PCNT: variants seen among roughly 807,000 people sequenced by gnomAD.
PCNT encodes pericentrin.
A neutral mutation model predicts 380.4 loss-of-function variants in PCNT; 319 were observed. That is an observed-to-expected ratio of 0.84 (90% CI 0.77 to 0.92). The LOEUF is 0.92. PCNT is among the 40% of genes least tolerant of loss of function. PCNT has a pLI of 0.00. For synonymous variants in PCNT, 1,845 were observed against 1,735.2 expected, an observed-to-expected ratio of 1.06 and a Z score of -1.57; for missense variants, 4,400 against 4,255.3, an observed-to-expected ratio of 1.03 and a Z score of -0.95.
intron 10 of PCNT, among the ~76,000 whole-genome samples, chr21:46,353,664 C>T (rs1230992534): frequency 2.0e-5 from 3 of 151,138 alleles, no homozygotes; most frequent in Non-Finnish European, 4.4e-5. Context: ...GTGGCAGGGG[C>T]GCTCTCCTCC....
chr21:46,416,794 C>T lies in PCNT; in HGVS notation c.6876C>T (p.Ala2292=), dbSNP rs761995771. The T allele has an allele frequency of 1.6e-4, 253 of 1,600,532 alleles. No individual in the cohort carries two copies. The highest frequency in any genetic ancestry group is 2.0e-4 in the Non-Finnish European group (240 of 1,179,174). The change falls in exon 30 of 47, where the codon GCC becomes GCT. Residue 2292 remains alanine (A), a synonymous_variant. Transcript: ENST00000359568. The stretch of plus-strand genomic sequence containing the variant: ...CAGCAGCGCTGGCACTGCAGTGGGC[C>T]GAGTCTCCGCCGGCTGACGACCACC... ...VSAAALALQW[A]ESPPADDHHV...
At chr21:46,324,526 G>T (rs1185801550) in intron 1 of PCNT, among the ~76,000 whole-genome samples, 1 of 149,972 alleles carries the variant, frequency 6.7e-6, no homozygotes, top group African/African-American at 2.4e-5. Context: ...GACGCGCGGC[G>T]CCTCTCGGGC....
In PCNT at chr21:46,334,468, T is replaced by A. The variant is rs59662841; in HGVS notation, c.339T>A (p.Pro113=). ...QLQQKQVNDH[P]PEQCGMFTVS... The stretch of plus-strand genomic sequence containing the variant: ...AGCAGAAGCAAGTCAATGACCATCC[T>A]CCAGAGCAGTGTGGGATGTTCACAG... The change falls in exon 3 of 47, where the codon CCT becomes CCA. Residue 113 remains proline (P), a synonymous_variant. Coordinates refer to ENST00000359568, the MANE Select transcript of PCNT (RefSeq NM_006031.6). The A allele has an allele frequency of 9.3e-6, 15 of 1,614,028 alleles. No homozygotes were observed. The highest frequency in any genetic ancestry group is 1.6e-4 in the Middle Eastern group (1 of 6,082).
chr21:46,355,592 G>C lies in PCNT; in HGVS notation c.1902G>C (p.Glu634Asp), dbSNP rs2084443705. 1 of 1,614,100 alleles carries C rather than the reference G, an allele frequency of 6.2e-7. No homozygotes were observed. The highest frequency in any genetic ancestry group is 2.2e-5 in the East Asian group (1 of 44,868). ...TAGAGACTTCAGCATTGGGACACGA[G>C]TGGCGTCTGGAACCCTCTGAAGGGC... ...CCVETSALGH[E>D]WRLEPSEGHS... Residue 634 changes from glutamate (E) to aspartate (D), a missense_variant, in exon 12 of 47, where the codon GAG (glutamate) becomes GAC (aspartate). Physicochemically the swap from Glu to Asp is conservative, Grantham distance 45. Coordinates refer to ENST00000359568, the MANE Select transcript of PCNT (RefSeq NM_006031.6).
At chr21:46,407,416 C>T (rs1569263958) in intron 27 of PCNT, among the ~76,000 whole-genome samples, 1 of 141,542 alleles carries the variant, frequency 7.1e-6, no homozygotes, top group Non-Finnish European at 1.5e-5. Context: ...ATCTCGGCTC[C>T]CTGCAACCTC....
At position 46,443,851 on chromosome 21, in the gene PCNT, G is replaced by A. The variant is rs762702766; in HGVS notation, c.9742G>A (p.Glu3248Lys). The change falls in exon 45 of 47, where the codon GAG becomes AAG. Residue 3248 changes from glutamate to lysine, a missense_variant. Transcript: ENST00000359568. ...GCCGCAGTCTCCACCCAGAACCAGA[G>A]AGTCCCCCCCAACCCGGGATGTACC... ...RQPQSPPRTR[E>K]SPPTRDVPSG... The A allele has an allele frequency of 6.2e-7, 1 of 1,613,484 alleles. No individual in the cohort carries two copies. Among genetic ancestry groups the A allele is most frequent in the East Asian group, 2.2e-5 (1 of 44,870 alleles).
intron 21 of PCNT, among the ~76,000 whole-genome samples, chr21:46,396,978 G>A (rs993180164): frequency 5.9e-5 from 9 of 152,172 alleles, no homozygotes; most frequent in East Asian, 3.9e-4. Flanking sequence ...TCTCAGCACC[G>A]TCCGTCGTCT....
intron 28 of PCNT, among the ~76,000 whole-genome samples, chr21:46,412,486 G>A (rs949954406): frequency 6.6e-6 from 1 of 152,170 alleles, no homozygotes; most frequent in Admixed American, 6.5e-5. Context: ...TGGAGGCCCT[G>A]TAGGGAGTCG....
chr21:46,437,095 GC>G lies in PCNT; in HGVS notation c.9099+19del. ...ACCTCCTCCCAGGTAAGGGGTGAGCGCCCCCAGGTCCCTGGCCTGGCTCCTC... is the reference window on the plus strand; with the variant it reads ...ACCTCCTCCCAGGTAAGGGGTGAGCGCCCCAGGTCCCTGGCCTGGCTCCTC... On this transcript the variant is annotated intron_variant, in intron 40 of 46. Coordinates refer to ENST00000359568, the MANE Select transcript of PCNT (RefSeq NM_006031.6). 4 of 1,589,642 alleles carry G rather than the reference GC, an allele frequency of 2.5e-6. No individual in the cohort carries two copies. The highest frequency in any genetic ancestry group is 3.5e-6 in the Non-Finnish European group (4 of 1,158,768).
At chr21:46,412,115 T>A (rs73379348) in intron 28 of PCNT, 48 bp downstream of exon 28, 1 of 1,581,804 alleles carries the variant, frequency 6.3e-7, no homozygotes, top group South Asian at 1.1e-5. Flanking sequence ...TTTACTCTCC[T>A]TTTCTCCTTT....
At chr21:46,344,297 A>G (rs549195652) in intron 3 of PCNT, among the ~76,000 whole-genome samples, 4 of 151,900 alleles carry the variant, frequency 2.6e-5, no homozygotes, top group Admixed American at 1.3e-4. Context: ...GATGTTCTCA[A>G]TCTCCTGACC....
At chr21:46,406,988 A>G (rs180783487) in intron 27 of PCNT, among the ~76,000 whole-genome samples, 5 of 152,340 alleles carry the variant, frequency 3.3e-5, no homozygotes, top group Admixed American at 1.3e-4. Context: ...TGGTTTTTGC[A>G]TCTGTGTTCA....
chr21:46,366,802 C>G lies in PCNT; in HGVS notation c.2828C>G (p.Ala943Gly). Residue 943 changes from alanine to glycine, a missense_variant, in exon 15 of 47, where the codon GCT (alanine) becomes GGT (glycine). Ala to Gly is a moderately conservative substitution (Grantham distance 60, BLOSUM62 0). Transcript: ENST00000359568. ...GAGAGCAAGCAGGGGGCTCTGCTGGCTGCACGTGTGGCCGAACTGCAGACA... is the reference window on the plus strand; with the variant it reads ...GAGAGCAAGCAGGGGGCTCTGCTGGGTGCACGTGTGGCCGAACTGCAGACA... The part of the protein sequence containing the change: ...SLESKQGALL[A>G]ARVAELQTKH... 6.2e-7 allele frequency: 1 copy of G among 1,613,816 alleles called. No homozygotes were observed. Among genetic ancestry groups the G allele is most frequent in the Non-Finnish European group, 8.5e-7 (1 of 1,180,036 alleles).
At chr21:46,348,409 G>A (rs2084149738) in intron 6 of PCNT, 1 of 168,240 alleles carries the variant, frequency 5.9e-6, no homozygotes. Context: ...GTTTCAGGGT[G>A]GGTTGTCCCT....
Position 46,416,567 on chromosome 21 carries a change from G to T in PCNT, c.6649G>T (p.Gly2217Trp). ...AEAGPRKSPV[G>W]MLDLSSWSSP... is the part of the protein sequence containing the mutation. Reference sequence around the variant, plus strand: ...GGCTGGGCCCCGGAAGAGCCCGGTCGGGATGCTGGACCTGTCTTCCTGGAG... The same window carrying T: ...GGCTGGGCCCCGGAAGAGCCCGGTCTGGATGCTGGACCTGTCTTCCTGGAG... The change falls in exon 30 of 47, where the codon GGG (glycine) becomes TGG (tryptophan). Residue 2217 changes from glycine (G) to tryptophan (W), a missense_variant. Coordinates refer to ENST00000359568, the MANE Select transcript of PCNT (RefSeq NM_006031.6). The T allele has an allele frequency of 1.2e-6, 2 of 1,611,868 alleles. No individual in the cohort carries two copies. Among genetic ancestry groups the T allele is most frequent in the South Asian group, 2.2e-5 (2 of 90,996 alleles).
intron 14 of PCNT, among the ~76,000 whole-genome samples, chr21:46,364,929 G>A (rs1460913667): frequency 6.6e-6 from 1 of 152,226 alleles, no homozygotes; most frequent in Non-Finnish European, 1.5e-5. Flanking sequence ...AGAGGTGCCT[G>A]TGCCTCTTGC....
intron 3 of PCNT, 68 bp downstream of exon 3, chr21:46,334,836 A>T: frequency 6.2e-7 from 1 of 1,610,396 alleles, no homozygotes; most frequent in East Asian, 2.2e-5. Flanking sequence ...TAGAAATCCA[A>T]ACCAGTGAGA....
chr21:46,342,503 G>A (rs1317149605), intron 3 of PCNT, among the ~76,000 whole-genome samples: 2 of 147,540 alleles, frequency 1.4e-5, no homozygotes, highest in Non-Finnish European at 3.0e-5. Context: ...ACCTGGATGT[G>A]TTTTTTATCT....
intron 2 of PCNT, among the ~76,000 whole-genome samples, chr21:46,330,216 C>T (rs1287703859): frequency 6.6e-6 from 1 of 152,014 alleles, no homozygotes; most frequent in Non-Finnish European, 1.5e-5. Flanking sequence ...CTCCTGGCCT[C>T]AAGTGACCCT....
Sources: gnomAD v4.1 joint callset for allele counts (sites outside exome capture counted in the v4.1 genomes callset) on GRCh38, gnomAD v4.1.1 for gene constraint, MANE v1.5 for transcripts, NCBI Gene and HGNC (gene_info 2026-07-23, HGNC 2026-07-21) for gene names.